The following SRGAP2B variants were observed in gnomAD, a reference collection of about 807,000 sequenced individuals.
The protein encoded by SRGAP2B is SLIT-ROBO Rho GTPase-activating protein 2B.
In SRGAP2B, 9 loss-of-function variants were observed where a neutral mutation model predicts 22.2. The observed-to-expected ratio is 0.41, with a 90% CI of 0.24 to 0.71. The LOEUF is 0.71. Ranked by LOEUF, SRGAP2B falls within the 30% of genes least tolerant of loss-of-function variation. The pLI, the probability that SRGAP2B is intolerant of heterozygous loss-of-function variation, is 0.35. For missense variants in SRGAP2B, 114 were observed against 235.8 expected, an observed-to-expected ratio of 0.48 and a Z score of 3.38; for synonymous variants, 36 against 87.4, an observed-to-expected ratio of 0.41 and a Z score of 3.28.
chr1:144,921,190 T>C lies in SRGAP2B; in HGVS notation c.424-6436A>G, dbSNP rs1380561004. Among the ~76,000 whole-genome samples the C allele has an allele frequency of 2.1e-4, 26 of 123,912 alleles. 1 individual carries two copies. In the Admixed American group the frequency reaches 2.2e-3, roughly 10 times the overall value. The allele number at this position is 123,912 out of a possible 152,430, so 81.3% of individuals were successfully genotyped here. A position where few individuals can be genotyped will look rare whatever the true frequency, so the allele number is the denominator to read the frequency against. On this transcript the variant is annotated intron_variant, in intron 4 of 9. Transcript: ENST00000612199. The stretch of plus-strand genomic sequence containing the variant: ...GTTAGTTTTTTTAGTTTAAGATCAA[T>C]TTTTTTTCCTGTCCCAGCCAAGAGG...
At position 145,013,766 on chromosome 1, in the gene SRGAP2B, A is replaced by G. The variant is rs1176679767; in HGVS notation, c.68-18566T>C. On this transcript the variant is annotated intron_variant, in intron 2 of 9. Transcript: ENST00000612199. ...ACTCCTTCGTTTCCTTTTTTAAAAA[A>G]TCAACAACCTTATTGTCTTCCCAAT... Among the ~76,000 whole-genome samples, 14 of 150,232 alleles carry G rather than the reference A, an allele frequency of 9.3e-5. 1 individual carries two copies. The highest frequency in any genetic ancestry group is 3.0e-4 in the African/African-American group (12 of 39,866).
Position 144,994,949 on chromosome 1 carries a change from C to G in SRGAP2B, c.260+59G>C, listed in dbSNP as rs1375753808. Reference sequence around the variant, plus strand: ...GGATCTAAGTGGCATACCCTGCCCCCCTCCACCCTGGACCCCATATTCCAA... The same window carrying G: ...GGATCTAAGTGGCATACCCTGCCCCGCTCCACCCTGGACCCCATATTCCAA... On this transcript the variant is annotated intron_variant, in intron 3 of 9. Transcript: ENST00000612199. 4.4e-6 allele frequency: 4 copies of G among 911,708 alleles called. 1 individual carries two copies. Among genetic ancestry groups the G allele is most frequent in the African/African-American group, 3.6e-5 (2 of 55,838 alleles). The allele number at this position is 911,708 out of a possible 1,614,324, so 56.5% of individuals were successfully genotyped here.
chr1:144,956,439 C>CTTTTTTT (rs3069132), intron 3 of SRGAP2B, among the ~76,000 whole-genome samples: 2 of 95,380 alleles, frequency 2.1e-5, no homozygotes, highest in East Asian at 2.6e-4. Context: ...TGCTCATTCC[C>CTTTTTTT]TTTTTTTTTT....
At chr1:144,955,329 T>G (rs1667176052) in intron 4 of SRGAP2B, 110 bp downstream of exon 4, 2 of 550,320 alleles carry the variant, frequency 3.6e-6, no homozygotes, top group African/African-American at 4.2e-5. Flanking sequence ...CATGGGGGTC[T>G]GGTGTACAGA....
intron 2 of SRGAP2B, among the ~76,000 whole-genome samples, chr1:145,068,881 AAAT>A (rs1207219339): frequency 6.9e-6 from 1 of 145,822 alleles, no homozygotes; most frequent in East Asian, 2.0e-4. Flanking sequence ...GGGAGATCCT[AAAT>A]AAGGTAAAAT....
chr1:145,024,312 AATTTTTT>A (rs1376752507), intron 2 of SRGAP2B, among the ~76,000 whole-genome samples: 2 of 76,380 alleles, frequency 2.6e-5, no homozygotes, highest in Admixed American at 1.5e-4. Flanking sequence ...ACACCCGGTG[AATTTTTT>A]ATTTTTTATT....
rs1161032950 is a variant in SRGAP2B, at chr1:145,030,721, A to AATAT, written c.68-35525_68-35522dup. Among the ~76,000 whole-genome samples the AATAT allele has an allele frequency of 9.4e-3, 136 of 14,468 alleles. 1 individual carries two copies. The highest frequency in any genetic ancestry group is 0.014 in the Admixed American group (13 of 928). The allele number at this position is 14,468 out of a possible 152,430, so 9.5% of individuals were successfully genotyped here. A position where few individuals can be genotyped will look rare whatever the true frequency, so the allele number is the denominator to read the frequency against. On this transcript the variant is annotated intron_variant, in intron 2 of 9. Transcript: ENST00000612199. ...TATAATTTAAAAAAAAAAAAAAAAA[A>AATAT]ATATATATATATATATATATATATA...
intron 2 of SRGAP2B, among the ~76,000 whole-genome samples, chr1:145,017,992 C>T (rs1571020531): frequency 6.6e-6 from 1 of 150,872 alleles, no homozygotes; most frequent in East Asian, 1.9e-4. Flanking sequence ...ACCTGAAGAG[C>T]ATAATGTTCT....
intron 2 of SRGAP2B, among the ~76,000 whole-genome samples, chr1:145,025,926 T>C (rs1292018755): frequency 6.7e-6 from 1 of 149,886 alleles, no homozygotes; most frequent in Non-Finnish European, 1.5e-5. Context: ...GGTCTGGGGG[T>C]ACCTACAACA....
At chr1:145,045,296 CAAA>C (rs71259136) in intron 2 of SRGAP2B, among the ~76,000 whole-genome samples, 1 of 41,966 alleles carries the variant, frequency 2.4e-5, no homozygotes. Context: ...GACTCCGCCT[CAAA>C]AAAAAAAAAA....
intron 3 of SRGAP2B, chr1:144,965,178 G>C (rs1323350049): frequency 1.9e-5 from 20 of 1,056,596 alleles, no homozygotes; most frequent in Non-Finnish European, 2.6e-5. Context: ...TGGCCGAATA[G>C]GAACAGCTCC....
intron 2 of SRGAP2B, among the ~76,000 whole-genome samples, chr1:145,061,299 T>C: frequency 3.9e-5 from 2 of 51,886 alleles, no homozygotes; most frequent in Non-Finnish European, 7.4e-5. Context: ...AGAGGTTGAA[T>C]GCTTGGAAGA....
At chr1:145,012,411 A>G (rs1360948517) in intron 2 of SRGAP2B, among the ~76,000 whole-genome samples, 2 of 149,884 alleles carry the variant, frequency 1.3e-5, no homozygotes, top group Non-Finnish European at 2.9e-5. Flanking sequence ...TTTTAAAAAA[A>G]TAAGCAAGAG....
intron 3 of SRGAP2B, among the ~76,000 whole-genome samples, chr1:144,976,564 G>A (rs1298703850): frequency 6.9e-6 from 1 of 144,638 alleles, no homozygotes; most frequent in South Asian, 2.2e-4. Flanking sequence ...AAAAGCAACC[G>A]AGGCTCTCTG....
At chr1:144,941,605 T>G (rs1407868612) in intron 4 of SRGAP2B, among the ~76,000 whole-genome samples, 1 of 148,776 alleles carries the variant, frequency 6.7e-6, no homozygotes, top group African/African-American at 2.5e-5. Flanking sequence ...AAGTCCAGTA[T>G]TGTAAGGAAA....
intron 3 of SRGAP2B, among the ~76,000 whole-genome samples, chr1:144,968,707 C>G (rs1376013966): frequency 9.0e-6 from 1 of 110,930 alleles, no homozygotes; most frequent in Non-Finnish European, 1.8e-5. Flanking sequence ...CAAATTGTCC[C>G]TGTTTGCAGA....
At chr1:144,943,316 A>G (rs1185712942) in intron 4 of SRGAP2B, among the ~76,000 whole-genome samples, 3 of 150,182 alleles carry the variant, frequency 2.0e-5, no homozygotes, top group Non-Finnish European at 4.4e-5. Context: ...TGAGTAATTA[A>G]TTAAATCTTT....
At chr1:144,943,360 A>C (rs1243617696) in intron 4 of SRGAP2B, among the ~76,000 whole-genome samples, 6 of 151,572 alleles carry the variant, frequency 4.0e-5, no homozygotes, top group African/African-American at 1.5e-4. Context: ...ACAAAAGTTT[A>C]TTGAAATGTA....
chr1:144,956,649 T>C (rs1667290195), intron 3 of SRGAP2B, among the ~76,000 whole-genome samples: 1 of 148,080 alleles, frequency 6.8e-6, no homozygotes, highest in Admixed American at 6.7e-5. Context: ...GTTTTCACCA[T>C]GTTGACCATG....
Sources: allele counts gnomAD v4.1 joint callset (sites outside exome capture counted in the v4.1 genomes callset), GRCh38; gene constraint gnomAD v4.1.1; transcripts MANE v1.5; gene names NCBI Gene and HGNC (gene_info 2026-07-23, HGNC 2026-07-21).